Variants in SRGAP3 observed in about 807,000 individuals in gnomAD.
The protein encoded by SRGAP3 is SLIT-ROBO Rho GTPase-activating protein 3.
Under a neutral mutation model 121.1 loss-of-function variants are expected in SRGAP3, and 39 were observed. The ratio of observed to expected loss-of-function variants is 0.32; its 90% confidence interval spans 0.25 to 0.42. SRGAP3 has a LOEUF of 0.42. Among genes scored for constraint, SRGAP3 ranks in the 10% least tolerant of loss-of-function variants. The probability of loss-of-function intolerance (pLI) is 1.00; values close to 1 mark genes in which losing one functional copy is unlikely to be tolerated. For synonymous variants in SRGAP3, 601 were observed against 570.0 expected, an observed-to-expected ratio of 1.05 and a Z score of -0.77; for missense variants, 1,213 against 1,470.6, an observed-to-expected ratio of 0.82 and a Z score of 2.86.
intron 3 of SRGAP3, among the ~76,000 whole-genome samples, chr3:9,087,395 T>A (rs1370941666): frequency 6.6e-6 from 1 of 151,820 alleles, no homozygotes; most frequent in East Asian, 1.9e-4. Context: ...TAAAATCAAA[T>A]TTTTTAGTAA....
At chr3:9,163,940 C>G (rs1487655925) in intron 1 of SRGAP3, among the ~76,000 whole-genome samples, 2 of 150,932 alleles carry the variant, frequency 1.3e-5, no homozygotes, top group Non-Finnish European at 2.9e-5. Flanking sequence ...CCGTATGAAG[C>G]TCCTCAGATG....
chr3:9,042,102 CAAA>C (rs370049198), intron 10 of SRGAP3, among the ~76,000 whole-genome samples: 45 of 98,134 alleles, frequency 4.6e-4, no homozygotes, highest in Admixed American at 4.5e-4. Flanking sequence ...GACGCCATCT[CAAA>C]AAAAAAAAAA....
rs540083346 is a variant in SRGAP3, at chr3:9,278,349, G to A, written n.442+47661C>T. 3.2e-4 allele frequency among the ~76,000 whole-genome samples: 48 copies of A among 152,288 alleles called. No homozygotes were observed. In the South Asian group the frequency reaches 1.0e-2, roughly 32 times the overall value. ...CCAGCTGAGGCAATTACTCTCCATG[G>A]CATACCCAGGAAGTGATGTAGGGAA... is the stretch of plus-strand genomic sequence containing the variant. On this transcript the variant is annotated intron_variant and non_coding_transcript_variant, in intron 3 of 3. Transcript: ENST00000490889.
chr3:9,292,344 C>G (rs1954883730), intron 3 of SRGAP3, among the ~76,000 whole-genome samples: 1 of 152,166 alleles, frequency 6.6e-6, no homozygotes, highest in African/African-American at 2.4e-5. Context: ...TTGAGAACCA[C>G]TGCATAGATC....
chr3:9,249,739 T>C, upstream of SRGAP3: 1 of 222,794 alleles, frequency 4.5e-6, no homozygotes, highest in Non-Finnish European at 9.0e-6. Flanking sequence ...CATTGTAGCC[T>C]ACAGGAGAGC....
intron 3 of SRGAP3, among the ~76,000 whole-genome samples, chr3:9,255,808 T>C (rs1954119515): frequency 6.6e-6 from 1 of 152,146 alleles, no homozygotes; most frequent in African/African-American, 2.4e-5. Flanking sequence ...TAGCTTGAAA[T>C]TATCCAGCCT....
At chr3:9,076,702 C>A (rs1455085308) in intron 4 of SRGAP3, among the ~76,000 whole-genome samples, 2 of 151,846 alleles carry the variant, frequency 1.3e-5, no homozygotes, top group Non-Finnish European at 1.5e-5. Context: ...CTTGTTCTCC[C>A]TCCCTCCCTC....
intron 1 of SRGAP3, among the ~76,000 whole-genome samples, chr3:9,200,318 T>C (rs1952032913): frequency 6.6e-6 from 1 of 152,208 alleles, no homozygotes; most frequent in Non-Finnish European, 1.5e-5. Context: ...GTTATTAATA[T>C]TTAGGGGGTT....
chr3:9,030,024 T>C (rs1281047542), intron 12 of SRGAP3, among the ~76,000 whole-genome samples: 1 of 151,562 alleles, frequency 6.6e-6, no homozygotes, highest in Non-Finnish European at 1.5e-5. Context: ...TGGTGGTGCA[T>C]GCGTATAGCC....
At chr3:9,354,338 G>A (rs2030366266) in intron 1 of SRGAP3, among the ~76,000 whole-genome samples, 1 of 152,170 alleles carries the variant, frequency 6.6e-6, no homozygotes, top group South Asian at 2.1e-4. Flanking sequence ...GGGCAAGGGA[G>A]TGGCTGTGCT....
chr3:9,161,366 T>C (rs980901411), intron 1 of SRGAP3, among the ~76,000 whole-genome samples: 2 of 152,234 alleles, frequency 1.3e-5, no homozygotes, highest in African/African-American at 2.4e-5. Flanking sequence ...CAGTGGTTCA[T>C]ATGCAGGGGC....
intron 1 of SRGAP3, among the ~76,000 whole-genome samples, chr3:9,333,144 C>T (rs115404167): frequency 0.018 from 2,667 of 152,192 alleles, 49 homozygotes; most frequent in Non-Finnish European, 0.026. Context: ...CTTTTTAAAG[C>T]TTGTTATTAC....
intron 3 of SRGAP3, among the ~76,000 whole-genome samples, chr3:9,258,618 T>C (rs538447160): frequency 5.9e-4 from 90 of 152,332 alleles, no homozygotes; most frequent in African/African-American, 2.2e-3. Flanking sequence ...CGTACCATCA[T>C]ACTGAAAATA....
chr3:9,314,576 A>T (rs1185355968), intron 3 of SRGAP3, among the ~76,000 whole-genome samples: 1 of 152,014 alleles, frequency 6.6e-6, no homozygotes. Flanking sequence ...AATGAAAGAG[A>T]TGTAATACTG....
In SRGAP3 at chr3:9,352,982, CTGT is replaced by C. The variant is rs1194577168; in HGVS notation, n.214+9855_214+9857del. Among the ~76,000 whole-genome samples the C allele has an allele frequency of 9.8e-5, 15 of 152,344 alleles. No individual in the cohort carries two copies. The East Asian group carries it at 1.7e-3, about 18-fold the overall frequency. ...AGTCCCAAGGCCACAGTCTCTAGGG[CTGT>C]TGTTGATGCTGAGCCTATGTGGCTT... On this transcript the variant is annotated intron_variant and non_coding_transcript_variant, in intron 1 of 3. Coordinates refer to the SRGAP3 transcript ENST00000490889.
At chr3:9,357,191 G>C (rs539551418) in intron 1 of SRGAP3, among the ~76,000 whole-genome samples, 5 of 152,134 alleles carry the variant, frequency 3.3e-5, no homozygotes, top group Admixed American at 6.5e-5. Flanking sequence ...GCTGCAGTGA[G>C]CTGAGATCGC....
At chr3:9,347,564 C>T (rs1955929381) in intron 1 of SRGAP3, among the ~76,000 whole-genome samples, 1 of 152,194 alleles carries the variant, frequency 6.6e-6, no homozygotes, top group Non-Finnish European at 1.5e-5. Flanking sequence ...CCAAGCTACT[C>T]AGCCACTGAC....
intron 2 of SRGAP3, among the ~76,000 whole-genome samples, chr3:9,122,951 G>C (rs1265946284): frequency 3.9e-5 from 6 of 152,122 alleles, no homozygotes; most frequent in Admixed American, 3.9e-4. Context: ...TCCACCAACA[G>C]ATGACCAAAC....
intron 10 of SRGAP3, among the ~76,000 whole-genome samples, chr3:9,043,566 C>T (rs753144995): frequency 7.9e-5 from 12 of 152,042 alleles, no homozygotes; most frequent in African/African-American, 1.4e-4. Flanking sequence ...TGCTGTCTTT[C>T]AGCTTCAGAC....
Sources: gnomAD v4.1 joint callset for allele counts (sites outside exome capture counted in the v4.1 genomes callset) on GRCh38, gnomAD v4.1.1 for gene constraint, MANE v1.5 for transcripts, NCBI Gene and HGNC (gene_info 2026-07-23, HGNC 2026-07-21) for gene names.